Variants in CLIC5 observed in about 807,000 individuals in gnomAD.
CLIC5 encodes CLIC family member 5.
CLIC5 carries 20 observed loss-of-function variants against 24.7 expected under a neutral mutation model. The ratio of observed to expected loss-of-function variants is 0.81; its 90% confidence interval spans 0.57 to 1.18. The LOEUF (loss-of-function observed/expected upper bound fraction) is 1.18. Ranked by LOEUF, CLIC5 falls within the 50% of genes most tolerant of loss-of-function variation. The pLI is 0.00. For missense variants in CLIC5, 341 were observed against 326.1 expected, an observed-to-expected ratio of 1.05 and a Z score of -0.35; for synonymous variants, 159 against 135.6, an observed-to-expected ratio of 1.17 and a Z score of -1.20.
chr6:46,129,039 A>G, the CLIC5 span, among the ~76,000 whole-genome samples: 4 of 152,242 alleles, frequency 2.6e-5, no homozygotes, highest in Admixed American at 6.5e-5. Context: ...ATTTACAGCT[A>G]TTAAATACTT....
chr6:46,058,536 A>G (rs1346208856), intron 1 of CLIC5, among the ~76,000 whole-genome samples: 1 of 152,244 alleles, frequency 6.6e-6, no homozygotes, highest in Admixed American at 6.5e-5. Context: ...CCTTTGTGTG[A>G]ACAAATAACT....
chr6:45,957,280 G>A (rs925916326), intron 1 of CLIC5, among the ~76,000 whole-genome samples: 6 of 152,096 alleles, frequency 3.9e-5, no homozygotes, highest in African/African-American at 1.4e-4. Flanking sequence ...ATATTGTCAG[G>A]CATTGTTCTA....
chr6:45,899,011 A>G lies in CLIC5; in HGVS notation c.*4077T>C, dbSNP rs1037801549. 3 of 152,216 alleles carry G rather than the reference A, an allele frequency of 2.0e-5. No individual in the cohort carries two copies. Among genetic ancestry groups the G allele is most frequent in the African/African-American group, 7.2e-5 (3 of 41,446 alleles). 9.4% of individuals were successfully genotyped at this position (152,216 alleles called of 1,614,324 possible). On this transcript the variant is annotated 3_prime_UTR_variant, in exon 6 of 6. Coordinates refer to ENST00000339561, the MANE Select transcript of CLIC5 (RefSeq NM_016929.5). ...AATTGGATCTATTTCTTTAACGTTA[A>G]ATGAAATTATGCACACTTTGGATCA...
intron 5 of CLIC5, chr6:45,911,817 C>T (rs1017055535): frequency 1.0e-6 from 1 of 985,350 alleles, no homozygotes; most frequent in Non-Finnish European, 1.2e-6. Flanking sequence ...AGATGCCTCT[C>T]CCAACGAAGA....
intron 5 of CLIC5, among the ~76,000 whole-genome samples, chr6:45,909,801 T>C (rs1403436178): frequency 1.3e-5 from 2 of 152,198 alleles, no homozygotes; most frequent in Non-Finnish European, 2.9e-5. Context: ...TCTCTGGATT[T>C]CTTGTATCTG....
chr6:45,922,112 G>A (rs1763286901), intron 4 of CLIC5, among the ~76,000 whole-genome samples: 1 of 152,238 alleles, frequency 6.6e-6, no homozygotes, highest in Admixed American at 6.5e-5. Context: ...TACAGAGAGT[G>A]TGCAGCACGT....
chr6:46,080,904 C>T (rs571180586), upstream of CLIC5, among the ~76,000 whole-genome samples: 1 of 152,256 alleles, frequency 6.6e-6, no homozygotes, highest in Non-Finnish European at 1.5e-5. Context: ...ATAGACCACC[C>T]AAATTAGGGA....
At chr6:45,963,453 T>G (rs1319005739) in intron 1 of CLIC5, among the ~76,000 whole-genome samples, 1 of 152,188 alleles carries the variant, frequency 6.6e-6, no homozygotes, top group Non-Finnish European at 1.5e-5. Flanking sequence ...CACTGCACAT[T>G]ATGCACTGGC....
chr6:45,976,964 T>G (rs948873634), intron 1 of CLIC5, among the ~76,000 whole-genome samples: 2 of 152,246 alleles, frequency 1.3e-5, no homozygotes, highest in Admixed American at 1.3e-4. Context: ...GGTTGACTTT[T>G]CATTGCTAAA....
chr6:46,074,338 G>A (rs921498995), intron 1 of CLIC5, among the ~76,000 whole-genome samples: 5 of 152,102 alleles, frequency 3.3e-5, no homozygotes, highest in African/African-American at 1.2e-4. Flanking sequence ...TGAATACCAT[G>A]ACCCCTATAA....
In CLIC5 at chr6:46,015,539, T is replaced by C; in HGVS notation, c.4A>G (p.Thr2Ala). 1.3e-6 allele frequency: 2 copies of C among 1,575,642 alleles called. No homozygotes were observed. The highest frequency in any genetic ancestry group is 1.2e-5 in the South Asian group (1 of 85,580). The stretch of plus-strand genomic sequence containing the variant: ...TCCCCGTTAGCTGTCGCCGAGTCTG[T>C]CATGCCGTTGGCGCCCGGGGCTACC... M[T>A]DSATANGDDR... Residue 2 changes from threonine (T) to alanine (A), a missense_variant, in exon 1 of 6, where the codon ACA becomes GCA. Thr to Ala is a moderately conservative substitution (Grantham distance 58). Coordinates refer to ENST00000339561, the MANE Select transcript of CLIC5 (RefSeq NM_016929.5).
upstream of CLIC5, among the ~76,000 whole-genome samples, chr6:46,083,847 G>T (rs1304725179): frequency 1.3e-5 from 2 of 151,648 alleles, no homozygotes; most frequent in African/African-American, 2.4e-5. Flanking sequence ...TTTCTGTCTC[G>T]TTGATCTGTC....
At chr6:46,058,075 A>ATG (rs138296904) in intron 1 of CLIC5, among the ~76,000 whole-genome samples, 4,347 of 78,350 alleles carry the variant, frequency 0.055, 101 homozygotes, top group Non-Finnish European at 0.072. Context: ...ACCATTGTGT[A>ATG]TGTGTGTGTG....
chr6:46,036,497 A>C (rs566224417), intron 1 of CLIC5, among the ~76,000 whole-genome samples: 2 of 151,948 alleles, frequency 1.3e-5, no homozygotes, highest in East Asian at 3.9e-4. Flanking sequence ...TTTTCAGTAG[A>C]GACGGGGTTT....
chr6:45,882,213 T>C (rs1435390105), intron 6 of CLIC5, among the ~76,000 whole-genome samples: 1 of 152,340 alleles, frequency 6.6e-6, no homozygotes. Flanking sequence ...CCAAGGGCCA[T>C]GGAATGACTG....
At chr6:46,015,364 A>T in intron 1 of CLIC5, 116 bp downstream of exon 1, 2 of 1,066,408 alleles carry the variant, frequency 1.9e-6, no homozygotes, top group South Asian at 2.1e-5. Context: ...ACGGGGGAGC[A>T]CAGGGCTCCG....
chr6:45,977,329 C>T (rs1226454034), intron 1 of CLIC5, among the ~76,000 whole-genome samples: 2 of 152,262 alleles, frequency 1.3e-5, no homozygotes, highest in Middle Eastern at 3.4e-3. Context: ...ATTCTTGCTA[C>T]ATTCAAATTG....
intron 1 of CLIC5, among the ~76,000 whole-genome samples, chr6:45,998,491 C>A (rs1189316629): frequency 6.6e-6 from 1 of 152,158 alleles, no homozygotes; most frequent in Non-Finnish European, 1.5e-5. Context: ...CCTGAGGACT[C>A]GAGTCCGCAA....
At chr6:45,975,799 C>G (rs1765365089) in intron 1 of CLIC5, among the ~76,000 whole-genome samples, 1 of 152,116 alleles carries the variant, frequency 6.6e-6, no homozygotes, top group Non-Finnish European at 1.5e-5. Flanking sequence ...GGTACAGTAC[C>G]ATTCATCACC....
Sources: gnomAD v4.1 joint callset for allele counts (sites outside exome capture counted in the v4.1 genomes callset) on GRCh38, gnomAD v4.1.1 for gene constraint, MANE v1.5 for transcripts, NCBI Gene and HGNC (gene_info 2026-07-23, HGNC 2026-07-21) for gene names.